SNX29: variants seen among roughly 807,000 people sequenced by gnomAD.
SNX29 encodes sorting nexin-29.
Under a neutral mutation model 102.1 loss-of-function variants are expected in SNX29, and 78 were observed. The observed-to-expected ratio is 0.76, with a 90% CI of 0.64 to 0.92. The LOEUF (loss-of-function observed/expected upper bound fraction) is 0.92. SNX29 is among the 40% of genes least tolerant of loss of function. The pLI is 0.00. For missense variants in SNX29, 1,280 were observed against 1,061.7 expected, an observed-to-expected ratio of 1.21 and a Z score of -2.86; for synonymous variants, 580 against 414.5, an observed-to-expected ratio of 1.40 and a Z score of -4.85.
chr16:12,233,948 A>G (rs973373159), intron 14 of SNX29, among the ~76,000 whole-genome samples: 1 of 152,178 alleles, frequency 6.6e-6, no homozygotes, highest in African/African-American at 2.4e-5. Context: ...ATTCTCTTTT[A>G]TGGCTAAAAC....
At chr16:12,319,646 G>A (rs1318666594) in intron 15 of SNX29, among the ~76,000 whole-genome samples, 1 of 152,156 alleles carries the variant, frequency 6.6e-6, no homozygotes, top group East Asian at 1.9e-4. Context: ...GTGATGAGGA[G>A]GGCTGGTTTC....
chr16:12,214,091 C>T (rs1271986917), intron 14 of SNX29, among the ~76,000 whole-genome samples: 5 of 152,088 alleles, frequency 3.3e-5, no homozygotes, highest in African/African-American at 9.7e-5. Context: ...CTGGCGACCT[C>T]CATTAAGGGG....
At chr16:12,060,218 A>AC (rs1233449454) in intron 8 of SNX29, among the ~76,000 whole-genome samples, 3 of 152,220 alleles carry the variant, frequency 2.0e-5, no homozygotes, top group African/African-American at 4.8e-5. Flanking sequence ...GGATTGTATT[A>AC]GGTATCATAA....
At chr16:12,373,926 G>T (rs2082780006) in intron 16 of SNX29, 2 of 152,250 alleles carry the variant, frequency 1.3e-5, no homozygotes, top group African/African-American at 4.8e-5. Context: ...TTTTCCTGAT[G>T]TCTCAATTTA....
intron 18 of SNX29, among the ~76,000 whole-genome samples, chr16:12,421,012 C>T (rs117100358): frequency 6.0e-4 from 92 of 152,282 alleles, no homozygotes; most frequent in Admixed American, 1.9e-3. Context: ...TTCTGCGATA[C>T]CTCACTTAAT....
At position 12,570,720 on chromosome 16, in the gene SNX29, G is replaced by A. The variant is rs767403168; in HGVS notation, c.*2091G>A. 8.6e-6 allele frequency: 2 copies of A among 232,146 alleles called. No individual in the cohort carries two copies. Among genetic ancestry groups the A allele is most frequent in the Non-Finnish European group, 8.5e-6 (1 of 117,450 alleles). 14.4% of individuals were successfully genotyped at this position (232,146 alleles called of 1,614,324 possible). On this transcript the variant is annotated 3_prime_UTR_variant, in exon 21 of 21. Coordinates refer to ENST00000566228, the MANE Select transcript of SNX29 (RefSeq NM_032167.5). ...GCCCCCAAAGCACAGGATGTGAATT[G>A]GTCTCTCTCCAGATACCCCACGAGG...
chr16:12,081,638 A>C (rs2051886036), intron 11 of SNX29: 1 of 91,458 alleles, frequency 1.1e-5, no homozygotes, highest in Admixed American at 1.1e-4. Context: ...GCGACACTGC[A>C]CTCCAGCCTG....
At chr16:12,214,564 G>A (rs534162580) in intron 14 of SNX29, among the ~76,000 whole-genome samples, 64 of 152,008 alleles carry the variant, frequency 4.2e-4, no homozygotes, top group African/African-American at 1.5e-3. Flanking sequence ...AGAGTGACTT[G>A]CCTGAATATT....
intron 15 of SNX29, among the ~76,000 whole-genome samples, chr16:12,304,820 C>T (rs1448255062): frequency 6.6e-6 from 1 of 152,206 alleles, no homozygotes; most frequent in Non-Finnish European, 1.5e-5. Flanking sequence ...TATAAACTCT[C>T]ATTTACCTAG....
intron 16 of SNX29, among the ~76,000 whole-genome samples, chr16:12,378,659 G>A (rs910366558): frequency 3.3e-5 from 5 of 152,152 alleles, no homozygotes; most frequent in African/African-American, 9.7e-5. Context: ...AACATTGGGG[G>A]ATGAATTTCA....
chr16:12,367,573 C>T (rs1286274439), intron 16 of SNX29: 1 of 152,180 alleles, frequency 6.6e-6, no homozygotes, highest in Non-Finnish European at 1.5e-5. Context: ...TAAAATGCTC[C>T]CTGGGACTTT....
intron 18 of SNX29, among the ~76,000 whole-genome samples, chr16:12,476,147 C>G (rs773502997): frequency 1.3e-5 from 2 of 150,812 alleles, no homozygotes; most frequent in Non-Finnish European, 3.0e-5. Flanking sequence ...ATGGCAAAAC[C>G]TTGTCTCTAC....
chr16:12,361,535 G>C (rs1200309691), intron 16 of SNX29, among the ~76,000 whole-genome samples: 3 of 152,020 alleles, frequency 2.0e-5, no homozygotes, highest in Non-Finnish European at 4.4e-5. Flanking sequence ...TAATCCTCAC[G>C]TGGCCTAATA....
At chr16:12,105,551 GA>G (rs566737109) in intron 11 of SNX29, among the ~76,000 whole-genome samples, 5 of 149,506 alleles carry the variant, frequency 3.3e-5, no homozygotes, top group East Asian at 1.9e-4. Flanking sequence ...TGCATTTTGG[GA>G]AAAAAAAAAT....
chr16:12,547,372 G>A (rs146022015), intron 20 of SNX29, among the ~76,000 whole-genome samples: 9 of 152,314 alleles, frequency 5.9e-5, no homozygotes, highest in South Asian at 4.1e-4. Context: ...AGTCAGCAAA[G>A]GGTAGAGCTT....
chr16:12,121,146 G>C (rs974770953), intron 11 of SNX29, among the ~76,000 whole-genome samples: 3 of 152,218 alleles, frequency 2.0e-5, no homozygotes, highest in Non-Finnish European at 2.9e-5. Context: ...TGGGGCCCCG[G>C]TACTCAAGTG....
Position 11,999,944 on chromosome 16 carries a change from T to C in SNX29, c.69+586T>C, listed in dbSNP as rs149688039. Among the ~76,000 whole-genome samples the C allele has an allele frequency of 7.1e-4, 107 of 151,104 alleles. 1 individual carries two copies. In the East Asian group the frequency reaches 0.015, roughly 22 times the overall value. On this transcript the variant is annotated intron_variant, in intron 2 of 20. Transcript: ENST00000566228. The stretch of plus-strand genomic sequence containing the variant: ...CATTGATGTGGGTTTCAAAGTCTCA[T>C]TGTCTCATTTCCAAGCAGTTGTGTT...
rs994389336 is a variant in SNX29, at chr16:11,988,224, G to A, written c.8-11073G>A. The stretch of plus-strand genomic sequence containing the variant: ...CAGGAGAATCACTTGAACCCGGGAG[G>A]CAGAGATTGCAGTGAGCCAAGATCA... On this transcript the variant is annotated intron_variant, in intron 1 of 20. Transcript: ENST00000566228. 4.6e-5 allele frequency among the ~76,000 whole-genome samples: 7 copies of A among 150,906 alleles called. No homozygotes were observed. The South Asian group carries it at 1.3e-3, about 27-fold the overall frequency.
chr16:12,140,233 G>A (rs183427550), intron 13 of SNX29, among the ~76,000 whole-genome samples: 12 of 152,256 alleles, frequency 7.9e-5, no homozygotes, highest in Non-Finnish European at 1.2e-4. Flanking sequence ...TCATTCTTAG[G>A]TAACTCTTCT....
Sources: allele counts gnomAD v4.1 joint callset (sites outside exome capture counted in the v4.1 genomes callset), GRCh38; gene constraint gnomAD v4.1.1; transcripts MANE v1.5; gene names NCBI Gene and HGNC (gene_info 2026-07-23, HGNC 2026-07-21).